Variants in RAP1GDS1 observed in about 807,000 individuals in gnomAD.
RAP1GDS1 encodes the protein RAP1, GTP-GDP dissociation stimulator 1.
RAP1GDS1 carries 35 observed loss-of-function variants against 71.1 expected under a neutral mutation model. The observed-to-expected ratio is 0.49, with a 90% CI of 0.38 to 0.65. The LOEUF is 0.65. RAP1GDS1 is among the 30% of genes least tolerant of loss of function. RAP1GDS1 has a pLI of 0.00. For synonymous variants in RAP1GDS1, 229 were observed against 243.1 expected (o/e 0.94, Z 0.54); for missense variants, 663 against 706.1 (o/e 0.94, Z 0.69).
At chr4:98,336,845 A>G (rs563744098) in intron 2 of RAP1GDS1, among the ~76,000 whole-genome samples, 1 of 151,812 alleles carries the variant, frequency 6.6e-6, no homozygotes, top group East Asian at 1.9e-4. Context: ...TATATTCAGC[A>G]TATTTCTCTT....
intron 6 of RAP1GDS1, among the ~76,000 whole-genome samples, chr4:98,402,981 T>C (rs944597355): frequency 1.3e-5 from 2 of 152,100 alleles, no homozygotes; most frequent in African/African-American, 4.8e-5. Flanking sequence ...TAGAGTAAGG[T>C]AAGGGATTAA....
intron 2 of RAP1GDS1, among the ~76,000 whole-genome samples, chr4:98,298,662 A>G (rs1362898823): frequency 1.3e-5 from 2 of 152,210 alleles, no homozygotes; most frequent in Non-Finnish European, 2.9e-5. Flanking sequence ...CTCATTGACA[A>G]TGCACCTGGT....
intron 2 of RAP1GDS1, among the ~76,000 whole-genome samples, chr4:98,338,385 T>C (rs149008120): frequency 3.3e-5 from 5 of 152,270 alleles, no homozygotes; most frequent in Admixed American, 6.5e-5. Context: ...GGAGAGAGGA[T>C]TGGGGACTTG....
intron 7 of RAP1GDS1, among the ~76,000 whole-genome samples, chr4:98,406,858 A>C (rs149948891): frequency 1.2e-3 from 181 of 152,246 alleles, no homozygotes; most frequent in African/African-American, 4.0e-3. Context: ...GTATGTTTAC[A>C]TGGTAAGAAA....
At chr4:98,393,082 G>T (rs77592509) in intron 6 of RAP1GDS1, among the ~76,000 whole-genome samples, 10,026 of 152,166 alleles carry the variant, frequency 0.066, 379 homozygotes, top group Admixed American at 0.13. Flanking sequence ...TATGGGCATA[G>T]TGAAATGAAA....
chr4:98,280,061 A>G lies in RAP1GDS1; in HGVS notation c.5-13347A>G, dbSNP rs551722407. Among the ~76,000 whole-genome samples the G allele has an allele frequency of 3.0e-4, 45 of 152,332 alleles. 1 individual carries two copies. Among genetic ancestry groups the G allele is most frequent in the Admixed American group, 5.9e-4 (9 of 15,296 alleles). On this transcript the variant is annotated intron_variant, in intron 1 of 14. Coordinates refer to ENST00000408927, the MANE Select transcript of RAP1GDS1 (RefSeq NM_001100427.2). ...CTTTGCTATTGTGAATAGTGCCGCA[A>G]TAAACATACATGTGCATGTGTCTTT...
At chr4:98,374,900 C>G (rs1022822911) in intron 4 of RAP1GDS1, among the ~76,000 whole-genome samples, 2 of 152,068 alleles carry the variant, frequency 1.3e-5, no homozygotes, top group African/African-American at 4.8e-5. Context: ...AAGGAACATT[C>G]CTATTACAGT....
At chr4:98,323,475 A>G (rs1458420046) in intron 2 of RAP1GDS1, among the ~76,000 whole-genome samples, 1 of 120,216 alleles carries the variant, frequency 8.3e-6, no homozygotes, top group Non-Finnish European at 1.7e-5. Context: ...ACCAAAAAAG[A>G]GAATTTTAGA....
chr4:98,413,921 G>A (rs1747495901), intron 7 of RAP1GDS1, among the ~76,000 whole-genome samples: 1 of 152,108 alleles, frequency 6.6e-6, no homozygotes, highest in South Asian at 2.1e-4. Flanking sequence ...TCTAACTGGT[G>A]TGAGATGGTA....
intron 2 of RAP1GDS1, among the ~76,000 whole-genome samples, chr4:98,339,910 A>G (rs1265983651): frequency 6.6e-6 from 1 of 152,086 alleles, no homozygotes; most frequent in African/African-American, 2.4e-5. Flanking sequence ...TGGCCATTTT[A>G]CAAAGAACTT....
chr4:98,319,864 C>T (rs1731530239), intron 2 of RAP1GDS1, among the ~76,000 whole-genome samples: 1 of 150,782 alleles, frequency 6.6e-6, no homozygotes, highest in African/African-American at 2.4e-5. Flanking sequence ...ATAAAAGTTA[C>T]ACCAAGTGTG....
At chr4:98,441,966 A>T (rs1224253393) in intron 14 of RAP1GDS1, 24 bp from the exon 15 acceptor site, 21 of 1,611,308 alleles carry the variant, frequency 1.3e-5, no homozygotes, top group Non-Finnish European at 1.7e-5. Context: ...ACAGAATCAT[A>T]TCTGTTATTT....
At chr4:98,350,455 C>T (rs1273050534) in intron 3 of RAP1GDS1, among the ~76,000 whole-genome samples, 1 of 152,046 alleles carries the variant, frequency 6.6e-6, no homozygotes, top group Non-Finnish European at 1.5e-5. Flanking sequence ...ACCTATAATC[C>T]TAGCATTTTG....
intron 1 of RAP1GDS1, among the ~76,000 whole-genome samples, chr4:98,280,339 T>A (rs1013670354): frequency 2.0e-5 from 3 of 152,232 alleles, no homozygotes; most frequent in Admixed American, 1.3e-4. Flanking sequence ...TGGCATTGAT[T>A]TGCGTTTCTC....
intron 1 of RAP1GDS1, among the ~76,000 whole-genome samples, chr4:98,264,613 T>C (rs1722481132): frequency 6.6e-6 from 1 of 152,190 alleles, no homozygotes; most frequent in Admixed American, 6.5e-5. Flanking sequence ...ATGTTTCACA[T>C]TTATAATCTT....
chr4:98,389,338 A>C (rs1743257025), intron 5 of RAP1GDS1, among the ~76,000 whole-genome samples: 1 of 151,418 alleles, frequency 6.6e-6, no homozygotes, highest in African/African-American at 2.4e-5. Flanking sequence ...CTGGACCTTC[A>C]TTATACAAGT....
chr4:98,280,266 A>G (rs1724867755), intron 1 of RAP1GDS1, among the ~76,000 whole-genome samples: 1 of 152,210 alleles, frequency 6.6e-6, no homozygotes, highest in Non-Finnish European at 1.5e-5. Context: ...CCTCTCCAGC[A>G]TCTGTTATTT....
intron 1 of RAP1GDS1, among the ~76,000 whole-genome samples, chr4:98,286,568 A>ATTTTAGTTTTAATTCCATTT: frequency 6.6e-6 from 1 of 152,226 alleles, no homozygotes; most frequent in South Asian, 2.1e-4. Context: ...ATTTCAGACT[A>ATTTTAGTTTTAATTCCATTT]AAATAGAGTT....
intron 4 of RAP1GDS1, among the ~76,000 whole-genome samples, chr4:98,356,716 A>C (rs945383608): frequency 6.6e-6 from 1 of 152,066 alleles, no homozygotes; most frequent in Non-Finnish European, 1.5e-5. Context: ...AGATATGTAC[A>C]CTTAAGCTTA....
Sources: allele counts gnomAD v4.1 joint callset (sites outside exome capture counted in the v4.1 genomes callset), GRCh38; gene constraint gnomAD v4.1.1; transcripts MANE v1.5; gene names NCBI Gene and HGNC (gene_info 2026-07-23, HGNC 2026-07-21).